Variants in LCORL observed in about 807,000 individuals in gnomAD.
The protein encoded by LCORL is ligand-dependent nuclear receptor corepressor-like protein.
LCORL carries 41 observed loss-of-function variants against 141.8 expected under a neutral mutation model. That is an observed-to-expected ratio of 0.29 (90% confidence interval 0.23 to 0.38). The LOEUF is 0.38. Among genes scored for constraint, LCORL ranks in the 10% least tolerant of loss-of-function variants. The probability of loss-of-function intolerance (pLI) is 1.00; values close to 1 mark genes in which losing one functional copy is unlikely to be tolerated. For synonymous variants in LCORL, 618 were observed against 694.1 expected, an observed-to-expected ratio of 0.89 and a Z score of 1.72; for missense variants, 1,759 against 2,035.0, an observed-to-expected ratio of 0.86 and a Z score of 2.61.
At position 17,945,811 on chromosome 4, in the gene LCORL, T is replaced by TA. The variant is rs1014396404; in HGVS notation, c.430+16091dup. On this transcript the variant is annotated intron_variant, in intron 4 of 7. Coordinates refer to ENST00000635767, the Ensembl canonical transcript of LCORL. Reference sequence around the variant, plus strand: ...ATTTATGCTTTGACAACGTATATGTTAAAAAAAAAAACTAGGCAAAATAAT... The same window carrying TA: ...ATTTATGCTTTGACAACGTATATGTTAAAAAAAAAAAACTAGGCAAAATAAT... 9.9e-3 allele frequency among the ~76,000 whole-genome samples: 1,443 copies of TA among 146,136 alleles called. 12 individuals carry two copies. Among genetic ancestry groups the TA allele is most frequent in the African/African-American group, 0.03 (1,188 of 40,236 alleles).
intron 7 of LCORL, among the ~76,000 whole-genome samples, chr4:17,856,538 T>A (rs1274049394): frequency 6.6e-5 from 10 of 152,212 alleles, no homozygotes; most frequent in Admixed American, 6.5e-4. Context: ...AGCCATGCCA[T>A]CTATGTTATT....
intron 1 of LCORL, among the ~76,000 whole-genome samples, chr4:18,003,927 G>A (rs1169178501): frequency 6.6e-6 from 1 of 152,152 alleles, no homozygotes; most frequent in Non-Finnish European, 1.5e-5. Flanking sequence ...TGGGGGAGGG[G>A]TGCACCACAC....
chr4:17,951,512 A>G (rs1444174023), intron 4 of LCORL, among the ~76,000 whole-genome samples: 1 of 152,108 alleles, frequency 6.6e-6, no homozygotes, highest in Non-Finnish European at 1.5e-5. Context: ...ATGGTTTGCT[A>G]CCTCAACTTT....
intron 7 of LCORL, among the ~76,000 whole-genome samples, chr4:17,860,751 A>G (rs992944182): frequency 2.6e-5 from 4 of 152,204 alleles, no homozygotes; most frequent in African/African-American, 9.6e-5. Flanking sequence ...TACTTCCTAG[A>G]TACAATGAGG....
chr4:17,856,041 GTTATC>G (rs2109115872), intron 7 of LCORL, among the ~76,000 whole-genome samples: 1 of 152,284 alleles, frequency 6.6e-6, no homozygotes, highest in East Asian at 1.9e-4. Context: ...ACTTTAAGCA[GTTATC>G]TTATACTTGC....
At chr4:18,015,032 C>CA (rs1402655892) in intron 1 of LCORL, among the ~76,000 whole-genome samples, 1 of 152,022 alleles carries the variant, frequency 6.6e-6, no homozygotes, top group Non-Finnish European at 1.5e-5. Context: ...AACTTCCCAC[C>CA]AAAAATGTAG....
At chr4:17,967,662 T>C (rs1485219945) in intron 2 of LCORL, among the ~76,000 whole-genome samples, 1 of 152,204 alleles carries the variant, frequency 6.6e-6, no homozygotes, top group Non-Finnish European at 1.5e-5. Context: ...AAAGATGCAC[T>C]ACAATTTATT....
At chr4:17,855,490 CT>C (rs1157863332) in intron 7 of LCORL, among the ~76,000 whole-genome samples, 4 of 152,074 alleles carry the variant, frequency 2.6e-5, no homozygotes, top group Non-Finnish European at 5.9e-5. Context: ...GATCATAATC[CT>C]TTTTTTGATA....
intron 4 of LCORL, among the ~76,000 whole-genome samples, chr4:17,930,261 A>C (rs1735795689): frequency 2.0e-5 from 3 of 152,294 alleles, no homozygotes; most frequent in Middle Eastern, 3.4e-3. Flanking sequence ...CCAGCTACTC[A>C]GGAGGCTGAG....
chr4:17,988,625 G>C (rs1330739749), intron 1 of LCORL, among the ~76,000 whole-genome samples: 1 of 140,500 alleles, frequency 7.1e-6, no homozygotes, highest in African/African-American at 3.0e-5. Context: ...TAAAGGTCTA[G>C]CACATTGTTT....
intron 7 of LCORL, among the ~76,000 whole-genome samples, chr4:17,864,284 G>C (rs1725364723): frequency 6.6e-6 from 1 of 152,068 alleles, no homozygotes; most frequent in Non-Finnish European, 1.5e-5. Flanking sequence ...GAGTACCATG[G>C]AATGATCTTG....
intron 1 of LCORL, among the ~76,000 whole-genome samples, chr4:17,984,328 G>C (rs999011302): frequency 6.6e-6 from 1 of 152,158 alleles, no homozygotes; most frequent in Non-Finnish European, 1.5e-5. Context: ...TTTTGGAAGA[G>C]TTTCAGTAGC....
At chr4:17,929,856 T>C (rs959231341) in intron 4 of LCORL, among the ~76,000 whole-genome samples, 1 of 152,202 alleles carries the variant, frequency 6.6e-6, no homozygotes, top group Admixed American at 6.5e-5. Context: ...TTCTAAACCA[T>C]GTCTTATAAG....
At chr4:18,015,849 TG>T (rs1451874152) in intron 1 of LCORL, among the ~76,000 whole-genome samples, 5 of 150,486 alleles carry the variant, frequency 3.3e-5, no homozygotes, top group Non-Finnish European at 7.4e-5. Context: ...AACTTCAAGA[TG>T]ATCTAGTATG....
chr4:17,943,126 A>C (rs1438139260), intron 4 of LCORL, among the ~76,000 whole-genome samples: 2 of 152,166 alleles, frequency 1.3e-5, no homozygotes, highest in African/African-American at 4.8e-5. Context: ...CCGGCGGCTC[A>C]TTTTGTCTTC....
chr4:17,927,317 G>A (rs189922623), intron 4 of LCORL, among the ~76,000 whole-genome samples: 11 of 152,196 alleles, frequency 7.2e-5, no homozygotes, highest in African/African-American at 1.9e-4. Context: ...TGTCATGGCC[G>A]GTTTGGTCTT....
exon 7 of LCORL, chr4:17,877,255 C>T (rs979802582): frequency 8.1e-7 from 1 of 1,230,310 alleles, no homozygotes; most frequent in Non-Finnish European, 1.0e-6. Flanking sequence ...TAATCACTGG[C>T]TTTTGCATTA....
chr4:17,935,750 T>C (rs1736748800), intron 4 of LCORL, among the ~76,000 whole-genome samples: 1 of 152,192 alleles, frequency 6.6e-6, no homozygotes. Context: ...TGAGTCAAAA[T>C]AAACCTCTTT....
At chr4:17,880,660 G>C (rs1197325014) in intron 6 of LCORL, 1 of 982,826 alleles carries the variant, frequency 1.0e-6, no homozygotes, top group Non-Finnish European at 1.2e-6. Flanking sequence ...CACACCAACA[G>C]TGTTGTAAAT....
Sources: gnomAD v4.1 joint callset for allele counts (sites outside exome capture counted in the v4.1 genomes callset) on GRCh38, gnomAD v4.1.1 for gene constraint, MANE v1.5 for transcripts, NCBI Gene and HGNC (gene_info 2026-07-23, HGNC 2026-07-21) for gene names.